Variants in ZNF385B observed in about 807,000 individuals in gnomAD.
ZNF385B encodes the protein zinc finger protein 533.
A neutral mutation model predicts 39.2 loss-of-function variants in ZNF385B; 23 were observed. The ratio of observed to expected loss-of-function variants is 0.59; its 90% confidence interval spans 0.42 to 0.83. The LOEUF (loss-of-function observed/expected upper bound fraction) is 0.83, where lower values mean the gene tolerates loss of function less well. ZNF385B is among the 40% of genes least tolerant of loss of function. The pLI is 0.00. For missense variants in ZNF385B, 552 were observed against 598.9 expected, an observed-to-expected ratio of 0.92 and a Z score of 0.82; for synonymous variants, 205 against 222.6, an observed-to-expected ratio of 0.92 and a Z score of 0.70.
At chr2:179,751,035 T>C (rs1407245100) in intron 3 of ZNF385B, among the ~76,000 whole-genome samples, 1 of 152,134 alleles carries the variant, frequency 6.6e-6, no homozygotes, top group Non-Finnish European at 1.5e-5. Flanking sequence ...TCATTTAAAA[T>C]TAATGTTCAT....
At chr2:179,807,570 G>A (rs1210256987) in intron 1 of ZNF385B, among the ~76,000 whole-genome samples, 1 of 151,580 alleles carries the variant, frequency 6.6e-6, no homozygotes, top group African/African-American at 2.4e-5. Flanking sequence ...GTGACAGAGG[G>A]AGACTCCATC....
At chr2:179,726,474 T>C (rs1701027438) in intron 3 of ZNF385B, among the ~76,000 whole-genome samples, 1 of 152,170 alleles carries the variant, frequency 6.6e-6, no homozygotes, top group South Asian at 2.1e-4. Context: ...TGTTGCTCAT[T>C]AGGATATGGG....
intron 1 of ZNF385B, among the ~76,000 whole-genome samples, chr2:179,782,244 T>C (rs1370691912): frequency 1.3e-5 from 2 of 152,112 alleles, no homozygotes; most frequent in African/African-American, 4.8e-5. Context: ...CACATGATTA[T>C]CTCAATAGAC....
At chr2:179,835,948 C>G (rs1452068476) in intron 1 of ZNF385B, among the ~76,000 whole-genome samples, 1 of 152,136 alleles carries the variant, frequency 6.6e-6, no homozygotes, top group Non-Finnish European at 1.5e-5. Context: ...GTGTATAATA[C>G]ATACTATTGC....
intron 3 of ZNF385B, among the ~76,000 whole-genome samples, chr2:179,719,277 A>G (rs746537895): frequency 2.0e-5 from 3 of 152,134 alleles, no homozygotes; most frequent in Non-Finnish European, 4.4e-5. Context: ...TGAGCCGACC[A>G]AGCTGGAGAG....
intron 3 of ZNF385B, among the ~76,000 whole-genome samples, chr2:179,748,465 T>C (rs1336529916): frequency 6.6e-6 from 1 of 152,134 alleles, no homozygotes; most frequent in Non-Finnish European, 1.5e-5. Flanking sequence ...CTTCTCATTG[T>C]ACCCAAAAGC....
intron 3 of ZNF385B, among the ~76,000 whole-genome samples, chr2:179,593,357 T>C (rs1320328734): frequency 2.0e-5 from 3 of 152,176 alleles, no homozygotes; most frequent in Non-Finnish European, 2.9e-5. Context: ...ATGGTATTCT[T>C]GAACAACTTA....
intron 3 of ZNF385B, among the ~76,000 whole-genome samples, chr2:179,697,405 C>T (rs1188745453): frequency 6.6e-6 from 1 of 152,192 alleles, no homozygotes; most frequent in African/African-American, 2.4e-5. Context: ...TGCTGTCATG[C>T]ACTTCTCCTT....
intron 1 of ZNF385B, among the ~76,000 whole-genome samples, chr2:179,786,088 A>C (rs1704982301): frequency 6.6e-6 from 1 of 152,162 alleles, no homozygotes; most frequent in Admixed American, 6.6e-5. Context: ...ACCCTCCACC[A>C]GCAAAAACAT....
At chr2:179,800,914 A>C (rs1260556838) in intron 1 of ZNF385B, among the ~76,000 whole-genome samples, 1 of 152,120 alleles carries the variant, frequency 6.6e-6, no homozygotes, top group Non-Finnish European at 1.5e-5. Context: ...ATGTTATTTC[A>C]ACCATTCTAA....
chr2:179,659,732 A>T (rs1694246117), intron 3 of ZNF385B, among the ~76,000 whole-genome samples: 1 of 152,220 alleles, frequency 6.6e-6, no homozygotes, highest in Non-Finnish European at 1.5e-5. Flanking sequence ...GACGTCCAAA[A>T]TATTTTAAAC....
At chr2:179,590,912 A>G (rs900720366) in intron 3 of ZNF385B, among the ~76,000 whole-genome samples, 7 of 152,168 alleles carry the variant, frequency 4.6e-5, no homozygotes, top group Non-Finnish European at 8.8e-5. Flanking sequence ...CTTTATAATT[A>G]TCCAGTCTCA....
In ZNF385B at chr2:179,490,997, A is replaced by G. The variant is rs2367645; in HGVS notation, c.553-7563T>C. 3.7e-3 allele frequency among the ~76,000 whole-genome samples: 569 copies of G among 152,306 alleles called. 7 individuals carry two copies. Among genetic ancestry groups the G allele is most frequent in the South Asian group, 0.032 (156 of 4,828 alleles). On this transcript the variant is annotated intron_variant, in intron 5 of 9. Transcript: ENST00000410066. ...CTTCTTTTATAAATAAGTTTATTAT[A>G]TATATACCAAGGTAAAGTTAATCTC... is the stretch of plus-strand genomic sequence containing the variant.
At position 179,758,843 on chromosome 2, in the gene ZNF385B, G is replaced by A. The variant is rs531910906; in HGVS notation, c.298+10660C>T. Among the ~76,000 whole-genome samples the A allele has an allele frequency of 3.3e-5, 5 of 152,240 alleles. No homozygotes were observed. The South Asian group carries it at 6.2e-4, about 19-fold the overall frequency. The stretch of plus-strand genomic sequence containing the variant: ...TCCACGGGTGTGCACCAATGAGTCC[G>A]GCACAAGAACCACCTAGCTGAGCCC... On this transcript the variant is annotated intron_variant, in intron 3 of 9. Transcript: ENST00000410066.
chr2:179,587,977 T>C (rs552894662), intron 3 of ZNF385B, among the ~76,000 whole-genome samples: 11 of 152,334 alleles, frequency 7.2e-5, no homozygotes, highest in African/African-American at 2.4e-4. Context: ...TTGATAGCAC[T>C]TGAATACAAA....
intron 3 of ZNF385B, among the ~76,000 whole-genome samples, chr2:179,755,544 T>C (rs902065915): frequency 5.3e-5 from 8 of 152,124 alleles, no homozygotes; most frequent in African/African-American, 1.7e-4. Flanking sequence ...TTAAAGTCTC[T>C]CATTATTATT....
intron 3 of ZNF385B, among the ~76,000 whole-genome samples, chr2:179,701,526 C>T (rs932250448): frequency 1.3e-5 from 2 of 152,170 alleles, no homozygotes; most frequent in African/African-American, 4.8e-5. Flanking sequence ...GAAGCTTACC[C>T]AAGTTCACCC....
In ZNF385B at chr2:179,444,927, C is replaced by T; in HGVS notation, c.1191G>A (p.Lys397=). Residue 397 remains lysine, a synonymous_variant, in exon 9 of 10, where the codon AAG becomes AAA. Transcript: ENST00000410066. ...GTTTGTTGTAAGGGCTGTATTTTGG[C>T]TTCAGTGGTTTCCCTGCAACTCGAT... The part of the protein sequence containing the change: ...HKDRVAGKPL[K]PKYSPYNKLQ... 6.2e-7 allele frequency: 1 copy of T among 1,614,172 alleles called. No homozygotes were observed. The highest frequency in any genetic ancestry group is 8.5e-7 in the Non-Finnish European group (1 of 1,180,016).
At chr2:179,485,600 C>T (rs1438517987) in intron 5 of ZNF385B, among the ~76,000 whole-genome samples, 3 of 152,124 alleles carry the variant, frequency 2.0e-5, no homozygotes, top group South Asian at 2.1e-4. Context: ...TGAATTTATT[C>T]ATGCCAAATA....
Sources: gnomAD v4.1 joint callset for allele counts (sites outside exome capture counted in the v4.1 genomes callset) on GRCh38, gnomAD v4.1.1 for gene constraint, MANE v1.5 for transcripts, NCBI Gene and HGNC (gene_info 2026-07-23, HGNC 2026-07-21) for gene names.